Variants in SMCHD1 observed in about 807,000 individuals in gnomAD.
SMCHD1 encodes structural maintenance of chromosomes flexible hinge domain containing 1.
A neutral mutation model predicts 254.7 loss-of-function variants in SMCHD1; 78 were observed. The ratio of observed to expected loss-of-function variants is 0.31; its 90% confidence interval spans 0.26 to 0.37. SMCHD1 has a LOEUF of 0.37. Among genes scored for constraint, SMCHD1 ranks in the 10% least tolerant of loss-of-function variants. The pLI, the probability that SMCHD1 is intolerant of heterozygous loss-of-function variation, is 1.00. For missense variants in SMCHD1, 1,840 were observed against 2,408.1 expected (o/e 0.76, Z 4.94); for synonymous variants, 766 against 794.9 (o/e 0.96, Z 0.61).
chr18:2,744,697 A>G (rs989733794), intron 29 of SMCHD1, among the ~76,000 whole-genome samples: 6 of 152,246 alleles, frequency 3.9e-5, no homozygotes, highest in African/African-American at 9.6e-5. Flanking sequence ...TGTAGTCATC[A>G]TCATACAATA....
At chr18:2,714,140 C>T (rs186338836) in intron 17 of SMCHD1, among the ~76,000 whole-genome samples, 2 of 152,178 alleles carry the variant, frequency 1.3e-5, no homozygotes, top group East Asian at 3.9e-4. Context: ...CTTCTTAGGC[C>T]TAGTAATACT....
rs2076409483 is a variant in SMCHD1, at chr18:2,804,111, A to G, written c.*1559A>G. The G allele has an allele frequency of 6.6e-6, 1 of 152,186 alleles. No individual in the cohort carries two copies. The highest frequency in any genetic ancestry group is 1.5e-5 in the Non-Finnish European group (1 of 68,020). The allele number at this position is 152,186 out of a possible 1,614,324, so 9.4% of individuals were successfully genotyped here. On this transcript the variant is annotated 3_prime_UTR_variant, in exon 48 of 48. Coordinates refer to ENST00000320876, the MANE Select transcript of SMCHD1 (RefSeq NM_015295.3). ...ATATGAAAATGATTGATTGATAGGT[A>G]AGAAAGGTTAAAGAGAAATGACTTT... is the stretch of plus-strand genomic sequence containing the variant.
At position 2,744,287 on chromosome 18, in the gene SMCHD1, C is replaced by G. The variant is rs1461274137; in HGVS notation, c.3801+359C>G. Reference sequence around the variant, plus strand: ...CAATTTTGTTCTTTGTTTTCTTATACTAATCTAATAACTTTTTATTGGAGT... The same window carrying G: ...CAATTTTGTTCTTTGTTTTCTTATAGTAATCTAATAACTTTTTATTGGAGT... On this transcript the variant is annotated intron_variant, in intron 29 of 47. Coordinates refer to ENST00000320876, the MANE Select transcript of SMCHD1 (RefSeq NM_015295.3). 2.6e-5 allele frequency among the ~76,000 whole-genome samples: 4 copies of G among 152,142 alleles called. No homozygotes were observed. In the East Asian group the frequency reaches 7.7e-4, roughly 29 times the overall value.
chr18:2,735,114 G>C (rs898859456), intron 25 of SMCHD1, among the ~76,000 whole-genome samples: 3 of 151,732 alleles, frequency 2.0e-5, no homozygotes, highest in Admixed American at 2.0e-4. Context: ...CTTTATTTTT[G>C]AGATTCAGGG....
At chr18:2,795,576 A>G (rs2076248349) in intron 45 of SMCHD1, among the ~76,000 whole-genome samples, 2 of 152,194 alleles carry the variant, frequency 1.3e-5, no homozygotes, top group Admixed American at 6.5e-5. Flanking sequence ...ACAACACAAT[A>G]TTTAATGTAT....
Position 2,724,884 on chromosome 18 carries a change from A to C in SMCHD1, c.2604-15A>C, listed in dbSNP as rs1223984228. 1 of 1,501,500 alleles carries C rather than the reference A, an allele frequency of 6.7e-7. No individual in the cohort carries two copies. Among genetic ancestry groups the C allele is most frequent in the African/African-American group, 1.4e-5 (1 of 73,016 alleles). The allele number at this position is 1,501,500 out of a possible 1,614,324, so 93.0% of individuals were successfully genotyped here. ...GGCAATTGAGGGGAGTTAAAAAATAATTTTTTTTCCCCAGTGGTTTATCTT... is the reference window on the plus strand; with the variant it reads ...GGCAATTGAGGGGAGTTAAAAAATACTTTTTTTTCCCCAGTGGTTTATCTT... On this transcript the variant is annotated splice_polypyrimidine_tract_variant and intron_variant, in intron 20 of 47. Transcript: ENST00000320876.
chr18:2,726,653 C>A, intron 22 of SMCHD1, 129 bp downstream of exon 22: 1 of 382,912 alleles, frequency 2.6e-6, no homozygotes, highest in Non-Finnish European at 4.6e-6. Flanking sequence ...AAATGTCAAA[C>A]CATAGCACTG....
intron 3 of SMCHD1, among the ~76,000 whole-genome samples, chr18:2,669,874 A>G (rs765938184): frequency 2.7e-4 from 41 of 152,338 alleles, no homozygotes; most frequent in Admixed American, 1.4e-3. Flanking sequence ...CCAAAAATCA[A>G]ATTGATACTT....
rs79451143 is a variant in SMCHD1, at chr18:2,751,064, A to G, written c.4166-214A>G. Among the ~76,000 whole-genome samples, 1,309 of 152,218 alleles carry G rather than the reference A, an allele frequency of 8.6e-3. 17 individuals are homozygous for G. The highest frequency in any genetic ancestry group is 0.029 in the African/African-American group (1,211 of 41,564). On this transcript the variant is annotated intron_variant, in intron 32 of 47. Transcript: ENST00000320876. ...CATAAAGCATATGGTGCTATGACCA[A>G]TTGGCCTAACTCTTAAGTTGCTGAG...
intron 47 of SMCHD1, among the ~76,000 whole-genome samples, chr18:2,797,119 TTC>T (rs1233779404): frequency 2.0e-5 from 3 of 152,230 alleles, no homozygotes; most frequent in African/African-American, 7.2e-5. Flanking sequence ...GCTCATTGCA[TTC>T]TCTTTCAGAG....
At chr18:2,774,329 T>A (rs573190987) in intron 41 of SMCHD1, among the ~76,000 whole-genome samples, 2 of 152,274 alleles carry the variant, frequency 1.3e-5, no homozygotes, top group African/African-American at 4.8e-5. Flanking sequence ...CATGTACTAG[T>A]TTTTTTGCAT....
At chr18:2,740,459 C>T (rs2075327913) in intron 27 of SMCHD1, among the ~76,000 whole-genome samples, 1 of 151,818 alleles carries the variant, frequency 6.6e-6, no homozygotes, top group South Asian at 2.1e-4. Context: ...TTCAAATTTT[C>T]ATGGTAAAAA....
intron 8 of SMCHD1, among the ~76,000 whole-genome samples, chr18:2,695,788 A>G (rs1258340250): frequency 6.6e-6 from 1 of 152,198 alleles, no homozygotes; most frequent in Admixed American, 6.5e-5. Flanking sequence ...TCTCAATTTT[A>G]TACGTAATTA....
At chr18:2,675,512 C>T (rs1333302344) in intron 5 of SMCHD1, among the ~76,000 whole-genome samples, 1 of 152,152 alleles carries the variant, frequency 6.6e-6, no homozygotes, top group Non-Finnish European at 1.5e-5. Flanking sequence ...ATCCGCCCTC[C>T]TCAGCCTCCC....
intron 1 of SMCHD1, 44 bp downstream of exon 1, chr18:2,656,305 G>C: frequency 5.0e-6 from 7 of 1,409,294 alleles, no homozygotes; most frequent in Non-Finnish European, 6.4e-6. Flanking sequence ...AGACTTGGGG[G>C]CGGGAGGGTG....
At chr18:2,775,639 A>T in intron 41 of SMCHD1, 95 bp from the exon 42 acceptor site, 1 of 930,096 alleles carries the variant, frequency 1.1e-6, no homozygotes, top group Non-Finnish European at 1.5e-6. Flanking sequence ...TGTGTTTCAG[A>T]GAAGTTTTTG....
chr18:2,759,503 T>TTTG (rs1555649389), intron 34 of SMCHD1, among the ~76,000 whole-genome samples: 3,583 of 148,160 alleles, frequency 0.024, 168 homozygotes, highest in African/African-American at 0.086. Context: ...TTTTTTTTTT[T>TTTG]TGTACAGCTG....
chr18:2,755,389 G>A (rs1241291124), intron 34 of SMCHD1, among the ~76,000 whole-genome samples: 2 of 151,810 alleles, frequency 1.3e-5, no homozygotes, highest in Non-Finnish European at 2.9e-5. Context: ...TTGAACTCCT[G>A]AGTTCAAGCA....
At chr18:2,706,543 A>T (rs1414219740) in intron 15 of SMCHD1, 73 bp downstream of exon 15, 2 of 1,045,380 alleles carry the variant, frequency 1.9e-6, no homozygotes, top group Middle Eastern at 2.0e-4. Flanking sequence ...TATTCTGAGT[A>T]TGTCATTTAC....
Sources: gnomAD v4.1 joint callset for allele counts (sites outside exome capture counted in the v4.1 genomes callset) on GRCh38, gnomAD v4.1.1 for gene constraint, MANE v1.5 for transcripts, NCBI Gene and HGNC (gene_info 2026-07-23, HGNC 2026-07-21) for gene names.